C6orf118: variants seen among roughly 807,000 people sequenced by gnomAD.
The protein encoded by C6orf118 is chromosome 6 open reading frame 118.
C6orf118 carries 50 observed loss-of-function variants against 50.2 expected under a neutral mutation model. That is an observed-to-expected ratio of 1.00 (90% CI 0.79 to 1.26). The LOEUF is 1.26. Among genes scored for constraint, C6orf118 ranks in the 50% most tolerant of loss-of-function variants. The probability of loss-of-function intolerance (pLI) is 0.00; values close to 1 mark genes in which losing one functional copy is unlikely to be tolerated. For synonymous variants in C6orf118, 239 were observed against 230.9 expected (o/e 1.03, Z -0.32); for missense variants, 641 against 578.7 (o/e 1.11, Z -1.10).
intron 4 of C6orf118, among the ~76,000 whole-genome samples, chr6:165,298,837 GT>G (rs1780409053): frequency 6.6e-6 from 1 of 152,214 alleles, no homozygotes; most frequent in African/African-American, 2.4e-5. Flanking sequence ...TTTTGCTCAT[GT>G]ATAAAAGAAG....
intron 1 of C6orf118, among the ~76,000 whole-genome samples, chr6:165,303,127 C>A (rs892243491): frequency 2.0e-5 from 3 of 152,312 alleles, no homozygotes; most frequent in East Asian, 1.9e-4. Context: ...CCCATCCATA[C>A]CCTCCTCAGA....
intron 1 of C6orf118, among the ~76,000 whole-genome samples, chr6:165,307,241 AC>A (rs1460632728): frequency 7.7e-6 from 1 of 129,186 alleles, no homozygotes; most frequent in Non-Finnish European, 1.6e-5. Context: ...CCAGAATAGG[AC>A]AATAGGCCTT....
At position 165,297,877 on chromosome 6, in the gene C6orf118, G is replaced by A. The variant is rs971074799; in HGVS notation, c.1061+100C>T. The A allele has an allele frequency of 3.2e-6, 5 of 1,543,086 alleles. No individual in the cohort carries two copies. In the African/African-American group the frequency reaches 6.8e-5, roughly 21 times the overall value. On this transcript the variant is annotated intron_variant, in intron 5 of 8. Coordinates refer to ENST00000230301, the MANE Select transcript of C6orf118 (RefSeq NM_144980.4). ...TATTAGCAAAAGTAGCATGTTTTCA[G>A]CAACGCAGAAATCAATGTAACCGTA...
rs1385270948 is a variant in C6orf118 at position 165,299,427 on chromosome 6, T to C, written c.936+16A>G. On this transcript the variant is annotated intron_variant, in intron 4 of 8. Transcript: ENST00000230301. ...ATAAGCAGGCTCTATTCAGGCTCTT[T>C]GTGATCGATCGTCACCTCGTACTGT... The C allele has an allele frequency of 3.1e-6, 5 of 1,613,220 alleles. No homozygotes were observed. The highest frequency in any genetic ancestry group is 4.2e-6 in the Non-Finnish European group (5 of 1,179,234).
chr6:165,296,600 C>T (rs1324214687), intron 5 of C6orf118, among the ~76,000 whole-genome samples: 4 of 152,236 alleles, frequency 2.6e-5, no homozygotes, highest in African/African-American at 9.6e-5. Flanking sequence ...ATCAGAATTC[C>T]CCATGGAAAA....
intron 5 of C6orf118, among the ~76,000 whole-genome samples, chr6:165,296,262 T>TG (rs1780302289): frequency 1.4e-5 from 2 of 143,654 alleles, no homozygotes; most frequent in Admixed American, 7.0e-5. Flanking sequence ...TTTTTTTTTT[T>TG]TTTTTTTTTT....
chr6:165,294,695 G>T (rs758553466), intron 5 of C6orf118, among the ~76,000 whole-genome samples: 5 of 152,106 alleles, frequency 3.3e-5, no homozygotes, highest in Non-Finnish European at 7.4e-5. Flanking sequence ...AGACCAGCTT[G>T]GGCAACATGG....
In C6orf118 at chr6:165,289,932, T is replaced by A. The variant is rs778382231; in HGVS notation, c.1256A>T (p.His419Leu). 7 of 1,609,948 alleles carry A rather than the reference T, an allele frequency of 4.3e-6. No individual in the cohort carries two copies. The Admixed American group carries it at 1.0e-4, about 23-fold the overall frequency. Residue 419 changes from histidine (H) to leucine (L), a missense_variant, in exon 7 of 9, where the codon CAT becomes CTT. Physicochemically the swap from His to Leu is moderately conservative, Grantham distance 99 (BLOSUM62 -3). Transcript: ENST00000230301. ...CTCAGTGATATCTGAAATTCCAGTATGAACCAAAGTTGTTTTAATTTCTTT... is the reference window on the plus strand; with the variant it reads ...CTCAGTGATATCTGAAATTCCAGTAAGAACCAAAGTTGTTTTAATTTCTTT... ...LEKEIKTTLV[H>L]TGISDITENR... is the part of the protein sequence containing the mutation.
intron 5 of C6orf118, among the ~76,000 whole-genome samples, chr6:165,296,243 G>GT (rs1285694115): frequency 1.1e-4 from 6 of 55,350 alleles, no homozygotes; most frequent in Admixed American, 3.6e-4. Flanking sequence ...TGTTGTTTTC[G>GT]TTTTTTGTTT....
chr6:165,290,890 T>C (rs1324126268), intron 6 of C6orf118, among the ~76,000 whole-genome samples: 2 of 152,190 alleles, frequency 1.3e-5, no homozygotes, highest in Non-Finnish European at 2.9e-5. Context: ...GGACTTACAG[T>C]TCCATGTGGC....
intron 5 of C6orf118, among the ~76,000 whole-genome samples, chr6:165,297,422 A>G (rs1054928777): frequency 1.3e-5 from 2 of 151,562 alleles, no homozygotes; most frequent in Non-Finnish European, 2.9e-5. Flanking sequence ...AAAAAAAAGA[A>G]GAACAAATTG....
intron 7 of C6orf118, among the ~76,000 whole-genome samples, chr6:165,287,022 A>G (rs1211444672): frequency 1.3e-5 from 2 of 152,212 alleles, no homozygotes; most frequent in Non-Finnish European, 2.9e-5. Context: ...TTCTACATCT[A>G]GAAAATCCCA....
rs200810534 is a variant in C6orf118 at position 165,302,069 on chromosome 6, G to A, written c.253C>T (p.Arg85Trp). 3.2e-5 allele frequency: 52 copies of A among 1,613,870 alleles called. No homozygotes were observed. In the African/African-American group the frequency reaches 5.1e-4, roughly 16 times the overall value. ...TILQHWPNAH[R>W]PKGERASEVG... ...TCAGAGGCGCGCTCCCCCTTGGGCC[G>A]GTGGGCATTGGGCCAGTGCTGTAAG... The change falls in exon 2 of 9, where the codon CGG (arginine) becomes TGG (tryptophan). Residue 85 changes from arginine to tryptophan, a missense_variant. By Grantham distance (101) the Arg-to-Trp change is moderately radical. Coordinates refer to ENST00000230301, the MANE Select transcript of C6orf118 (RefSeq NM_144980.4).
chr6:165,292,258 A>G (rs919724859), intron 6 of C6orf118, among the ~76,000 whole-genome samples: 2 of 152,140 alleles, frequency 1.3e-5, no homozygotes, highest in Admixed American at 1.3e-4. Flanking sequence ...GAAAATGGGG[A>G]CATTCCACAG....
At chr6:165,290,521 C>T (rs1780071527) in intron 6 of C6orf118, among the ~76,000 whole-genome samples, 1 of 152,054 alleles carries the variant, frequency 6.6e-6, no homozygotes, top group African/African-American at 2.4e-5. Context: ...AGAAGTTAGA[C>T]AAGCAGAAGG....
chr6:165,297,988 C>A lies in C6orf118; in HGVS notation c.1050G>T (p.Glu350Asp). The A allele has an allele frequency of 6.2e-7, 1 of 1,613,964 alleles. No homozygotes were observed. Among genetic ancestry groups the A allele is most frequent in the Non-Finnish European group, 8.5e-7 (1 of 1,180,034 alleles). Reference sequence around the variant, plus strand: ...CCCTCATGCCTCACCTATCATTCTGCTCCAGGGCTGCTTTTGTGGCTGTCA... The same window carrying A: ...CCCTCATGCCTCACCTATCATTCTGATCCAGGGCTGCTTTTGTGGCTGTCA... ...MLVTATKAAL[E>D]QNDRLRSELE... The change falls in exon 5 of 9, where the codon GAG becomes GAT. Residue 350 changes from glutamate (E) to aspartate (D), a missense_variant. Transcript: ENST00000230301.
chr6:165,301,828 C>G lies in C6orf118; in HGVS notation c.494G>C (p.Gly165Ala). 1 of 1,613,942 alleles carries G rather than the reference C, an allele frequency of 6.2e-7. No individual in the cohort carries two copies. ...GKEEKKGGPP[G>A]RGPPGWRRRE... ...CCTGCGCCATCCAGGAGGGCCCCGT[C>G]CAGGAGGGCCTCCTTTCTTTTCTTC... Residue 165 changes from glycine (G) to alanine (A), a missense_variant, in exon 2 of 9, where the codon GGA becomes GCA. Physicochemically the swap from Gly to Ala is moderately conservative, Grantham distance 60. Coordinates refer to ENST00000230301, the MANE Select transcript of C6orf118 (RefSeq NM_144980.4).
intron 6 of C6orf118, among the ~76,000 whole-genome samples, chr6:165,290,486 CTAGGTT>C: frequency 6.6e-6 from 1 of 151,896 alleles, no homozygotes; most frequent in African/African-American, 2.4e-5. Flanking sequence ...AGAAGTGTGG[CTAGGTT>C]GAAATACAAA....
At chr6:165,282,879 A>C (rs1779775637) in intron 7 of C6orf118, among the ~76,000 whole-genome samples, 1 of 152,210 alleles carries the variant, frequency 6.6e-6, no homozygotes, top group Non-Finnish European at 1.5e-5. Flanking sequence ...TTATGAAAGA[A>C]TAGTTTACAT....
Sources: allele counts gnomAD v4.1 joint callset (sites outside exome capture counted in the v4.1 genomes callset), GRCh38; gene constraint gnomAD v4.1.1; transcripts MANE v1.5; gene names NCBI Gene and HGNC (gene_info 2026-07-23, HGNC 2026-07-21).